Variants in GMIP observed in about 807,000 individuals in gnomAD.
GMIP encodes the protein GEM interacting protein.
GMIP carries 54 observed loss-of-function variants against 105.3 expected under a neutral mutation model. The observed-to-expected ratio is 0.51, with a 90% confidence interval of 0.41 to 0.64. The LOEUF (loss-of-function observed/expected upper bound fraction) is 0.64. Ranked by LOEUF, GMIP falls within the 30% of genes least tolerant of loss-of-function variation. The pLI, the probability that GMIP is intolerant of heterozygous loss-of-function variation, is 0.00. For missense variants in GMIP, 1,110 were observed against 1,319.4 expected (o/e 0.84, Z 2.46); for synonymous variants, 541 against 560.8 (o/e 0.96, Z 0.50).
rs776742129 is a variant in GMIP, at chr19:19,634,732, A to C, written c.1888-29T>G. ...GGGGTGGAACGGAGGGCGCAACACG[A>C]GTGTGGGTGGGCTGTGGAGGGCTCC... is the stretch of plus-strand genomic sequence containing the variant. On this transcript the variant is annotated intron_variant, in intron 17 of 20. Coordinates refer to ENST00000203556, the MANE Select transcript of GMIP (RefSeq NM_016573.4). The surrounding 1 kb of genome is among the most constrained non-coding windows in gnomAD (Gnocchi z 6.1). The C allele has an allele frequency of 2.5e-6, 4 of 1,609,172 alleles. No individual in the cohort carries two copies. Among genetic ancestry groups the C allele is most frequent in the African/African-American group, 1.3e-5 (1 of 74,800 alleles).
Position 19,634,954 on chromosome 19 carries a change from A to G in GMIP, c.1750-25T>C, listed in dbSNP as rs2061837859. ...CCTGCAGGGTGAGGGTGAAAAACAG[A>G]CACCTGGTTCGTGATAGGCCATCGA... On this transcript the variant is annotated intron_variant, in intron 16 of 20. Transcript: ENST00000203556. This position sits in a 1 kb window ranked among gnomAD's most constrained non-coding sequence, Gnocchi z 6.1. The G allele has an allele frequency of 1.2e-6, 2 of 1,613,578 alleles. No individual in the cohort carries two copies. The highest frequency in any genetic ancestry group is 1.7e-6 in the Non-Finnish European group (2 of 1,179,838).
In GMIP at chr19:19,641,966, C is replaced by T. The variant is rs775309875; in HGVS notation, c.180+10G>A. The T allele has an allele frequency of 8.1e-6, 13 of 1,608,074 alleles. No homozygotes were observed. The African/African-American group carries it at 1.7e-4, about 22-fold the overall frequency. ...AGGTCTTCCTCCCTGTTCCCCTACT[C>T]CCCACTCACAACAGTGGCTGTAGGG... On this transcript the variant is annotated intron_variant, in intron 3 of 20. Coordinates refer to ENST00000203556, the MANE Select transcript of GMIP (RefSeq NM_016573.4).
chr19:19,642,036 C>T lies in GMIP; in HGVS notation c.120G>A (p.Leu40=). Residue 40 remains leucine (L), a synonymous_variant, in exon 3 of 21, where the codon CTG becomes CTA. Transcript: ENST00000203556. ...ISLGNVTLEM[L]AGDPLLSEDP... is the part of the protein sequence containing the mutation. ...CTTCTGAGAGTAGAGGGTCTCCAGCCAGCATCTCAAGGGTCCTGGGGGATA... is the reference window on the plus strand; with the variant it reads ...CTTCTGAGAGTAGAGGGTCTCCAGCTAGCATCTCAAGGGTCCTGGGGGATA... The T allele has an allele frequency of 6.2e-7, 1 of 1,613,244 alleles. No homozygotes were observed. Among genetic ancestry groups the T allele is most frequent in the South Asian group, 1.1e-5 (1 of 91,014 alleles).
chr19:19,643,403 A>T, intron 1 of GMIP, 108 bp downstream of exon 1: 1 of 1,053,656 alleles, frequency 9.5e-7, no homozygotes, highest in Non-Finnish European at 1.4e-6. Flanking sequence ...CTTCCCATTC[A>T]GGAACTCCTC....
Position 19,629,940 on chromosome 19 carries a change from C to T in GMIP, c.*23G>A. Reference sequence around the variant, plus strand: ...TCCGTCTTCACAATCTGGGCCTCTTCCTTATTTAAGGTGCCAGGGTGGTCA... The same window carrying T: ...TCCGTCTTCACAATCTGGGCCTCTTTCTTATTTAAGGTGCCAGGGTGGTCA... On this transcript the variant is annotated 3_prime_UTR_variant, in exon 21 of 21. Coordinates refer to ENST00000203556, the MANE Select transcript of GMIP (RefSeq NM_016573.4). The T allele has an allele frequency of 3.1e-6, 5 of 1,598,092 alleles. No homozygotes were observed. Among genetic ancestry groups the T allele is most frequent in the Non-Finnish European group, 4.3e-6 (5 of 1,173,814 alleles).
In GMIP at chr19:19,633,976, C is replaced by T. The variant is rs750754445; in HGVS notation, c.2299G>A (p.Glu767Lys). The change falls in exon 19 of 21, where the codon GAG becomes AAG. Residue 767 changes from glutamate to lysine, a missense_variant. Physicochemically the swap from Glu to Lys is moderately conservative, Grantham distance 56. This residue lies in a region of GMIP where 394 missense variants were observed against 450.5 expected (regional missense o/e 0.87). Coordinates refer to ENST00000203556, the MANE Select transcript of GMIP (RefSeq NM_016573.4). ...GGGCTGGAGTCTTGGGGCGGGGGCT[C>T]AGTGGCCTGGGGGAGCTCATCCATC... The part of the protein sequence containing the change: ...FGMDELPQAT[E>K]PPPQDSSPAP... 1.3e-6 allele frequency: 2 copies of T among 1,592,776 alleles called. No homozygotes were observed. The highest frequency in any genetic ancestry group is 2.2e-5 in the South Asian group (2 of 90,436).
At chr19:19,638,978 G>A (rs373984734) in intron 7 of GMIP, among the ~76,000 whole-genome samples, 2 of 151,936 alleles carry the variant, frequency 1.3e-5, no homozygotes, top group East Asian at 1.9e-4. Flanking sequence ...TACTCGGGAG[G>A]CTGAGGCAGG....
intron 1 of GMIP, chr19:19,643,306 G>A: frequency 2.1e-6 from 1 of 482,046 alleles, no homozygotes; most frequent in Non-Finnish European, 3.8e-6. Flanking sequence ...TCTGGGGTGA[G>A]GGATCAAAAG....
rs149802001 is a variant in GMIP at position 19,642,537 on chromosome 19, G to T, written c.102C>A (p.Asn34Lys). The T allele has an allele frequency of 4.9e-4, 777 of 1,599,556 alleles. No homozygotes were observed. Among genetic ancestry groups the T allele is most frequent in the Non-Finnish European group, 6.1e-4 (710 of 1,167,234 alleles). ...SLDNLEISLG[N>K]VTLEMLAGDP... is the part of the protein sequence containing the mutation. Reference sequence around the variant, plus strand: ...GGGTGATCCAGGCTCAGACTCACACGTTCCCCAGTGAGATTTCGAGGTTGT... The same window carrying T: ...GGGTGATCCAGGCTCAGACTCACACTTTCCCCAGTGAGATTTCGAGGTTGT... The change falls in exon 2 of 21, where the codon AAC becomes AAA. Residue 34 changes from asparagine (N) to lysine (K), a missense_variant and splice_region_variant. Coordinates refer to ENST00000203556, the MANE Select transcript of GMIP (RefSeq NM_016573.4).
chr19:19,638,208 C>G lies in GMIP; in HGVS notation c.740G>C (p.Ser247Thr). 6 of 1,597,954 alleles carry G rather than the reference C, an allele frequency of 3.8e-6. No homozygotes were observed. The highest frequency in any genetic ancestry group is 5.1e-6 in the Non-Finnish European group (6 of 1,178,264). Reference protein sequence around the residue: ...DSAPQASPGPSKQQERRRRSR... With the variant: ...DSAPQASPGPTKQQERRRRSR... ...GCGCCGCCGCCGCTCCTGCTGCTTGCTAGGTCCCGGCGAGGCCTGGGGGGC... is the reference window on the plus strand; with the variant it reads ...GCGCCGCCGCCGCTCCTGCTGCTTGGTAGGTCCCGGCGAGGCCTGGGGGGC... The change falls in exon 9 of 21, where the codon AGC (serine) becomes ACC (threonine). Residue 247 changes from serine (S) to threonine (T), a missense_variant. By Grantham distance (58) the Ser-to-Thr change is moderately conservative (BLOSUM62 1). Around this residue, in one of 3 missense-constraint regions of GMIP, gnomAD observed 667 missense variants for 773.2 expected, o/e 0.86. Coordinates refer to ENST00000203556, the MANE Select transcript of GMIP (RefSeq NM_016573.4).
Position 19,629,999 on chromosome 19 carries a change from C to T in GMIP, c.2877G>A (p.Pro959=), listed in dbSNP as rs768546077. The T allele has an allele frequency of 1.3e-5, 21 of 1,608,694 alleles. No individual in the cohort carries two copies. Among genetic ancestry groups the T allele is most frequent in the Non-Finnish European group, 1.7e-5 (20 of 1,178,036 alleles). Residue 959 remains proline, a synonymous_variant, in exon 21 of 21, where the codon CCG becomes CCA. Transcript: ENST00000203556. ...SEAVPRATCC[P]DVQPEEAEDH... The stretch of plus-strand genomic sequence containing the variant: ...CCTCGGCTTCCTCAGGCTGGACGTC[C>T]GGGCAGCAGGTGGCCCTGGGCACAG...
rs1254391485 is a variant in GMIP at position 19,637,542 on chromosome 19, C to T, written c.947G>A (p.Gly316Glu). ...VLRRVTLSLF[G>E]LRGAQAERGP... ...ACGCTCTGCCTGCGCCCCCCGCAGC[C>T]CGAAGAGACTCAGCGTCACCTGCCG... Residue 316 changes from glycine to glutamate, a missense_variant, in exon 11 of 21, where the codon GGG becomes GAG. Gly to Glu is a moderately conservative substitution (Grantham distance 98). Transcript: ENST00000203556. This position sits in a 1 kb window ranked among gnomAD's most constrained non-coding sequence, Gnocchi z 6.7. The T allele has an allele frequency of 4.6e-6, 7 of 1,532,732 alleles. 1 individual carries two copies. In the South Asian group the frequency reaches 7.2e-5, roughly 16 times the overall value. 94.9% of individuals were successfully genotyped at this position (1,532,732 alleles called of 1,614,324 possible).
rs2144854484 is a variant in GMIP at position 19,636,688 on chromosome 19, G to A, written c.1327+19C>T. 1 of 1,575,410 alleles carries A rather than the reference G, an allele frequency of 6.3e-7. No homozygotes were observed. ...TGGTCACAGGTGGAGTGTGGGTCAG[G>A]ACCAGGTCCTATCCCTACCTGGGCT... On this transcript the variant is annotated intron_variant, in intron 13 of 20. Transcript: ENST00000203556.
At position 19,635,259 on chromosome 19, in the gene GMIP, G is replaced by C; in HGVS notation, c.1561-46C>G. 6.4e-7 allele frequency: 1 copy of C among 1,569,494 alleles called. No homozygotes were observed. The highest frequency in any genetic ancestry group is 8.7e-7 in the Non-Finnish European group (1 of 1,146,666). Reference sequence around the variant, plus strand: ...ACAGGGAGGTCATTAGGGACCAGTAGGGGAAGAGAAGGTTACAAGGATCCT... The same window carrying C: ...ACAGGGAGGTCATTAGGGACCAGTACGGGAAGAGAAGGTTACAAGGATCCT... On this transcript the variant is annotated intron_variant, in intron 15 of 20. Transcript: ENST00000203556. The surrounding 1 kb of genome is among the most constrained non-coding windows in gnomAD (Gnocchi z 4.7).
At chr19:19,642,715 G>C in intron 1 of GMIP, 96 bp from the exon 2 acceptor site, 1 of 578,242 alleles carries the variant, frequency 1.7e-6, no homozygotes. Context: ...AAGAGAAAGG[G>C]AAGAGTGAGA....
chr19:19,642,208 G>GT (rs1157359004), intron 2 of GMIP, among the ~76,000 whole-genome samples, 157 bp from the exon 3 acceptor site: 1 of 152,034 alleles, frequency 6.6e-6, no homozygotes, highest in South Asian at 2.1e-4. Flanking sequence ...AATCAGGTGA[G>GT]TTTTTTTTAA....
chr19:19,637,829 T>C lies in GMIP; in HGVS notation c.927+91A>G. 7.4e-7 allele frequency: 1 copy of C among 1,347,128 alleles called. No individual in the cohort carries two copies. The highest frequency in any genetic ancestry group is 1.4e-5 in the South Asian group (1 of 73,206). 83.4% of individuals were successfully genotyped at this position (1,347,128 alleles called of 1,614,324 possible). A position where few individuals can be genotyped will look rare whatever the true frequency, so the allele number is the denominator to read the frequency against. On this transcript the variant is annotated intron_variant, in intron 10 of 20. Coordinates refer to ENST00000203556, the MANE Select transcript of GMIP (RefSeq NM_016573.4). This position sits in a 1 kb window ranked among gnomAD's most constrained non-coding sequence, Gnocchi z 6.7. ...GTCGAGGGAAATGGCCTAGTCCTGG[T>C]GTCTCCAGGGTGGCTTAGGGGCGAG...
chr19:19,633,472 T>G (rs2061816618), intron 19 of GMIP, among the ~76,000 whole-genome samples: 1 of 152,252 alleles, frequency 6.6e-6, no homozygotes, highest in Non-Finnish European at 1.5e-5. Context: ...ACACAGGCAC[T>G]GAGAGGGCAG....
Position 19,634,397 on chromosome 19 carries a change from A to G in GMIP, c.2084+110T>C. 9.1e-7 allele frequency: 1 copy of G among 1,095,396 alleles called. No homozygotes were observed. Among genetic ancestry groups the G allele is most frequent in the South Asian group, 1.4e-5 (1 of 71,582 alleles). 67.9% of individuals were successfully genotyped at this position (1,095,396 alleles called of 1,614,324 possible). On this transcript the variant is annotated intron_variant, in intron 18 of 20. Coordinates refer to ENST00000203556, the MANE Select transcript of GMIP (RefSeq NM_016573.4). The surrounding 1 kb of genome is among the most constrained non-coding windows in gnomAD (Gnocchi z 6.1). ...TCATGGATTAAGGTTCAGAGTTCAG[A>G]AAACACAGGTCAAAGGTCAGAGGTC...
Sources: allele counts gnomAD v4.1 joint callset (sites outside exome capture counted in the v4.1 genomes callset), GRCh38; gene constraint gnomAD v4.1.1; regional missense constraint gnomAD v4.1.1; non-coding constraint Gnocchi (gnomAD v3.1); transcripts MANE v1.5; gene names NCBI Gene and HGNC (gene_info 2026-07-23, HGNC 2026-07-21).